Variants in CSGALNACT2 observed in about 807,000 individuals in gnomAD.
The protein encoded by CSGALNACT2 is chondroitin sulfate N-acetylgalactosaminyltransferase 2.
In CSGALNACT2, 35 loss-of-function variants were observed where a neutral mutation model predicts 55.3. The observed-to-expected ratio is 0.63, with a 90% CI of 0.48 to 0.84. The LOEUF (loss-of-function observed/expected upper bound fraction) is 0.84, where lower values mean the gene tolerates loss of function less well. Among genes scored for constraint, CSGALNACT2 ranks in the 40% least tolerant of loss-of-function variants. The probability of loss-of-function intolerance (pLI) is 0.00; values close to 1 mark genes in which losing one functional copy is unlikely to be tolerated. For synonymous variants in CSGALNACT2, 196 were observed against 224.9 expected (o/e 0.87, Z 1.15); for missense variants, 544 against 657.5 (o/e 0.83, Z 1.89).
intron 7 of CSGALNACT2, among the ~76,000 whole-genome samples, chr10:43,181,627 C>T (rs562724392): frequency 6.6e-6 from 1 of 151,632 alleles, no homozygotes; most frequent in Admixed American, 6.6e-5. Flanking sequence ...AATTATTTGA[C>T]AGGAGCCGGG....
intron 6 of CSGALNACT2, among the ~76,000 whole-genome samples, chr10:43,168,993 G>C (rs977010726): frequency 6.6e-6 from 1 of 152,188 alleles, no homozygotes; most frequent in African/African-American, 2.4e-5. Flanking sequence ...TGAGCTCATA[G>C]CAGACAGAAT....
chr10:43,182,892 A>T lies in CSGALNACT2; in HGVS notation c.1337-358A>T, dbSNP rs1027350454. On this transcript the variant is annotated intron_variant, in intron 7 of 7. Transcript: ENST00000374466. The stretch of plus-strand genomic sequence containing the variant: ...CCTGTCTCAAAAAAAAAAACAAAAA[A>T]AAAAAGAAAACATAAAAAGTTAATG... 3.9e-5 allele frequency among the ~76,000 whole-genome samples: 6 copies of T among 152,158 alleles called. No individual in the cohort carries two copies. In the East Asian group the frequency reaches 1.2e-3, roughly 29 times the overall value.
Position 43,155,253 on chromosome 10 carries a change from C to A in CSGALNACT2, c.104C>A (p.Ala35Asp). The A allele has an allele frequency of 6.2e-7, 1 of 1,613,946 alleles. No homozygotes were observed. The highest frequency in any genetic ancestry group is 8.5e-7 in the Non-Finnish European group (1 of 1,179,940). Reference protein sequence around the residue: ...LVLFMYLLECAPQTDGNASLP... With the variant: ...LVLFMYLLECDPQTDGNASLP... ...TTATTTATGTACCTCCTGGAATGTGCCCCCCAGACTGATGGAAATGCATCT... is the reference window on the plus strand; with the variant it reads ...TTATTTATGTACCTCCTGGAATGTGACCCCCAGACTGATGGAAATGCATCT... The change falls in exon 2 of 8, where the codon GCC (alanine) becomes GAC (aspartate). Residue 35 changes from alanine (A) to aspartate (D), a missense_variant. Ala to Asp is a moderately radical substitution (Grantham distance 126, BLOSUM62 -2). This residue lies in a region of CSGALNACT2 where 374 missense variants were observed against 401.3 expected (regional missense o/e 0.93). Coordinates refer to ENST00000374466, the MANE Select transcript of CSGALNACT2 (RefSeq NM_018590.5).
Position 43,183,258 on chromosome 10 carries a change from G to A in CSGALNACT2, c.1345G>A (p.Asp449Asn), listed in dbSNP as rs1486632231. Residue 449 changes from aspartate (D) to asparagine (N), a missense_variant, in exon 8 of 8, where the codon GAC becomes AAC. Physicochemically the swap from Asp to Asn is conservative, Grantham distance 23 (BLOSUM62 1). Coordinates refer to ENST00000374466, the MANE Select transcript of CSGALNACT2 (RefSeq NM_018590.5). ...CAATTTTGATCTTACAGGTGGATTTGACATGGAAGTGAAAGGTTGGGGTGG... is the reference window on the plus strand; with the variant it reads ...CAATTTTGATCTTACAGGTGGATTTAACATGGAAGTGAAAGGTTGGGGTGG... ...RSDFLTIGGFDMEVKGWGGED... is the reference protein window; with the variant it reads ...RSDFLTIGGFNMEVKGWGGED... 1 of 1,612,424 alleles carries A rather than the reference G, an allele frequency of 6.2e-7. No homozygotes were observed.
In CSGALNACT2 at chr10:43,183,319, G is replaced by A; in HGVS notation, c.1406G>A (p.Gly469Asp). 2 of 1,613,814 alleles carry A rather than the reference G, an allele frequency of 1.2e-6. No individual in the cohort carries two copies. Among genetic ancestry groups the A allele is most frequent in the Non-Finnish European group, 1.7e-6 (2 of 1,179,730 alleles). ...DVHLYRKYLH[G>D]DLIVIRTPVP... ...CATCTTTATCGAAAATACTTACATGGTGACCTCATTGTGATTCGGACTCCG... is the reference window on the plus strand; with the variant it reads ...CATCTTTATCGAAAATACTTACATGATGACCTCATTGTGATTCGGACTCCG... The change falls in exon 8 of 8, where the codon GGT becomes GAT. Residue 469 changes from glycine to aspartate, a missense_variant. By Grantham distance (94) the Gly-to-Asp change is moderately conservative. Around this residue, in one of 2 missense-constraint regions of CSGALNACT2, gnomAD observed 170 missense variants for 256.2 expected, o/e 0.66. Transcript: ENST00000374466.
chr10:43,145,397 AGTTT>A (rs1216543401), intron 1 of CSGALNACT2, among the ~76,000 whole-genome samples: 6 of 145,406 alleles, frequency 4.1e-5, no homozygotes, highest in Non-Finnish European at 6.0e-5. Flanking sequence ...GCGTAGCCTA[AGTTT>A]GTTTGTTTCT....
intron 1 of CSGALNACT2, among the ~76,000 whole-genome samples, chr10:43,142,328 C>G (rs138537865): frequency 6.6e-5 from 10 of 152,184 alleles, no homozygotes; most frequent in African/African-American, 2.4e-4. Flanking sequence ...TCTCCTGCCT[C>G]GGCTTCCTGA....
chr10:43,179,489 T>G (rs1363841476), intron 7 of CSGALNACT2, among the ~76,000 whole-genome samples: 1 of 152,156 alleles, frequency 6.6e-6, no homozygotes, highest in Admixed American at 6.5e-5. Context: ...ATGAAGCCTC[T>G]GCTGTTGCTC....
intron 6 of CSGALNACT2, 41 bp downstream of exon 6, chr10:43,167,139 T>A (rs775725685): frequency 1.6e-6 from 2 of 1,256,696 alleles, no homozygotes; most frequent in Non-Finnish European, 2.3e-6. Context: ...ACTCTAAAGA[T>A]CTTTTCTAGA....
intron 1 of CSGALNACT2, among the ~76,000 whole-genome samples, chr10:43,142,622 A>G (rs913882091): frequency 1.3e-5 from 2 of 152,232 alleles, no homozygotes; most frequent in African/African-American, 2.4e-5. Flanking sequence ...CTTACATATC[A>G]TCTGTGACTG....
chr10:43,181,308 T>C (rs1003482936), intron 7 of CSGALNACT2, among the ~76,000 whole-genome samples: 24 of 152,344 alleles, frequency 1.6e-4, no homozygotes, highest in African/African-American at 5.5e-4. Flanking sequence ...TTGAGGGCAG[T>C]GGTTTACCCT....
chr10:43,156,611 G>T (rs770592159), intron 2 of CSGALNACT2, among the ~76,000 whole-genome samples: 17 of 152,222 alleles, frequency 1.1e-4, no homozygotes, highest in Non-Finnish European at 2.1e-4. Context: ...TGGTTTCATG[G>T]GTGACAATTT....
chr10:43,148,271 A>G (rs1838803801), intron 1 of CSGALNACT2, among the ~76,000 whole-genome samples: 3 of 152,208 alleles, frequency 2.0e-5, no homozygotes, highest in Admixed American at 1.3e-4. Flanking sequence ...TCTATGCCAT[A>G]CCACATTGTC....
intron 6 of CSGALNACT2, among the ~76,000 whole-genome samples, chr10:43,168,852 G>A (rs1317819181): frequency 6.6e-6 from 1 of 152,290 alleles, no homozygotes; most frequent in South Asian, 2.1e-4. Flanking sequence ...ATGAGAGAAG[G>A]TGTTAGCAGC....
At chr10:43,166,182 G>A (rs560466846) in intron 5 of CSGALNACT2, among the ~76,000 whole-genome samples, 5 of 152,298 alleles carry the variant, frequency 3.3e-5, no homozygotes, top group African/African-American at 9.6e-5. Context: ...TATTTGCTTA[G>A]TTTAAAAGAA....
At chr10:43,153,334 C>CA (rs367556732) in intron 1 of CSGALNACT2, among the ~76,000 whole-genome samples, 2 of 113,708 alleles carry the variant, frequency 1.8e-5, no homozygotes, top group South Asian at 2.9e-4. Flanking sequence ...GACTCTGTCT[C>CA]AAAAAAAAAA....
chr10:43,183,262 T>C lies in CSGALNACT2; in HGVS notation c.1349T>C (p.Met450Thr). The change falls in exon 8 of 8, where the codon ATG (methionine) becomes ACG (threonine). Residue 450 changes from methionine (M) to threonine (T), a missense_variant. Met to Thr is a moderately conservative substitution (Grantham distance 81, BLOSUM62 -1). Coordinates refer to ENST00000374466, the MANE Select transcript of CSGALNACT2 (RefSeq NM_018590.5). Reference protein sequence around the residue: ...SDFLTIGGFDMEVKGWGGEDV... With the variant: ...SDFLTIGGFDTEVKGWGGEDV... ...TTTGATCTTACAGGTGGATTTGACATGGAAGTGAAAGGTTGGGGTGGAGAA... is the reference window on the plus strand; with the variant it reads ...TTTGATCTTACAGGTGGATTTGACACGGAAGTGAAAGGTTGGGGTGGAGAA... The C allele has an allele frequency of 6.2e-7, 1 of 1,613,012 alleles. No individual in the cohort carries two copies. Among genetic ancestry groups the C allele is most frequent in the Non-Finnish European group, 8.5e-7 (1 of 1,178,976 alleles).
intron 1 of CSGALNACT2, among the ~76,000 whole-genome samples, chr10:43,139,758 A>T (rs1162833656): frequency 2.0e-5 from 3 of 152,224 alleles, no homozygotes; most frequent in Non-Finnish European, 4.4e-5. Context: ...TAGTATTCTC[A>T]GCATATTGTT....
intron 1 of CSGALNACT2, among the ~76,000 whole-genome samples, chr10:43,145,310 A>G (rs1001437112): frequency 3.3e-5 from 5 of 151,088 alleles, no homozygotes; most frequent in Admixed American, 2.6e-4. Context: ...GATTAATTAT[A>G]TTTATATAGT....
Sources: allele counts gnomAD v4.1 joint callset (sites outside exome capture counted in the v4.1 genomes callset), GRCh38; gene constraint gnomAD v4.1.1; regional missense constraint gnomAD v4.1.1; transcripts MANE v1.5; gene names NCBI Gene and HGNC (gene_info 2026-07-23, HGNC 2026-07-21).